The following PTPRT variants were observed in gnomAD, a reference collection of about 807,000 sequenced individuals.
The protein encoded by PTPRT is receptor-type tyrosine-protein phosphatase T.
In PTPRT, 56 loss-of-function variants were observed where a neutral mutation model predicts 176.8. That is an observed-to-expected ratio of 0.32 (90% confidence interval 0.26 to 0.40). The LOEUF (loss-of-function observed/expected upper bound fraction) is 0.40. Among genes scored for constraint, PTPRT ranks in the 10% least tolerant of loss-of-function variants. The pLI is 1.00. For synonymous variants in PTPRT, 783 were observed against 739.0 expected (o/e 1.06, Z -0.96); for missense variants, 1,540 against 1,908.2 (o/e 0.81, Z 3.60).
chr20:42,119,935 C>T lies in PTPRT; in HGVS notation c.2884G>A (p.Gly962Ser), dbSNP rs1166829821. 1.2e-6 allele frequency: 2 copies of T among 1,608,806 alleles called. No homozygotes were observed. The highest frequency in any genetic ancestry group is 1.1e-5 in the South Asian group (1 of 90,342). Reference sequence around the variant, plus strand: ...CACTAGGTGGAGGGAGGGCACTTACCTTGAGTCGCAATGTAGTGCCGAGGT... The same window carrying T: ...CACTAGGTGGAGGGAGGGCACTTACTTTGAGTCGCAATGTAGTGCCGAGGT... The part of the protein sequence containing the change: ...HRPRHYIATQ[G>S]PMQETVKDFW... Residue 962 changes from glycine to serine, a missense_variant and splice_region_variant, in exon 20 of 31, where the codon GGT (glycine) becomes AGT (serine). This residue lies in a region of PTPRT where 248 missense variants were observed against 356.7 expected (regional missense o/e 0.70). Coordinates refer to ENST00000373187, the MANE Select transcript of PTPRT (RefSeq NM_007050.6).
intron 5 of PTPRT, among the ~76,000 whole-genome samples, chr20:42,765,900 C>G (rs1323612925): frequency 6.6e-6 from 1 of 152,122 alleles, no homozygotes; most frequent in Admixed American, 6.6e-5. Flanking sequence ...TTCTTTCCAG[C>G]CTTTTGTCCT....
At chr20:42,190,030 A>G (rs138223873) in intron 16 of PTPRT, among the ~76,000 whole-genome samples, 2 of 152,190 alleles carry the variant, frequency 1.3e-5, no homozygotes, top group Middle Eastern at 3.2e-3. Context: ...CAGGAACTTA[A>G]TAAGTGTGTC....
chr20:42,724,275 G>A (rs1259382806), intron 6 of PTPRT, among the ~76,000 whole-genome samples: 1 of 152,186 alleles, frequency 6.6e-6, no homozygotes, highest in African/African-American at 2.4e-5. Context: ...CTGTGTGGTT[G>A]TTTCAATTAT....
chr20:42,516,521 A>G (rs969537491), intron 7 of PTPRT, among the ~76,000 whole-genome samples: 11 of 152,174 alleles, frequency 7.2e-5, no homozygotes, highest in African/African-American at 2.4e-4. Flanking sequence ...TTACATGACT[A>G]GACTATAACT....
intron 6 of PTPRT, among the ~76,000 whole-genome samples, chr20:42,709,908 C>A (rs1009790174): frequency 6.6e-6 from 1 of 152,120 alleles, no homozygotes; most frequent in African/African-American, 2.4e-5. Context: ...TCATGTTACA[C>A]CCTAGCAAAA....
intron 8 of PTPRT, among the ~76,000 whole-genome samples, chr20:42,456,469 T>C (rs2070927190): frequency 6.6e-6 from 1 of 152,092 alleles, no homozygotes; most frequent in South Asian, 2.1e-4. Flanking sequence ...TGTTTCATCT[T>C]TGAGTATGAT....
At chr20:43,083,349 T>TATATATAC (rs1568774162) in intron 1 of PTPRT, among the ~76,000 whole-genome samples, 10 of 117,378 alleles carry the variant, frequency 8.5e-5, no homozygotes, top group South Asian at 2.8e-4. Flanking sequence ...TATATATATA[T>TATATATAC]ATATATATAT....
At chr20:42,841,665 T>C (rs2078281476) in intron 2 of PTPRT, among the ~76,000 whole-genome samples, 1 of 149,516 alleles carries the variant, frequency 6.7e-6, no homozygotes, top group South Asian at 2.1e-4. Context: ...ACACATAATC[T>C]CTCTCTCCAT....
intron 6 of PTPRT, chr20:42,687,909 A>T (rs1280236834): frequency 6.6e-6 from 1 of 152,228 alleles, no homozygotes; most frequent in Non-Finnish European, 1.5e-5. Flanking sequence ...CTATTTCGGG[A>T]TTTACATACA....
chr20:42,313,328 T>G (rs1362726891), intron 12 of PTPRT, among the ~76,000 whole-genome samples: 1 of 152,134 alleles, frequency 6.6e-6, no homozygotes, highest in Non-Finnish European at 1.5e-5. Context: ...TCATTTACCT[T>G]CTTAATAAAC....
intron 7 of PTPRT, among the ~76,000 whole-genome samples, chr20:42,595,515 T>G (rs796829231): frequency 3.9e-5 from 6 of 151,946 alleles, no homozygotes; most frequent in African/African-American, 1.4e-4. Context: ...GGACCATGAG[T>G]GAAGTTTTGA....
chr20:42,847,496 G>A (rs2078394868), intron 2 of PTPRT, among the ~76,000 whole-genome samples: 1 of 152,170 alleles, frequency 6.6e-6, no homozygotes, highest in Non-Finnish European at 1.5e-5. Context: ...AGGGTCGCGT[G>A]AACACCACTA....
chr20:43,165,554 T>C (rs2146450203), intron 1 of PTPRT, among the ~76,000 whole-genome samples: 1 of 152,342 alleles, frequency 6.6e-6, no homozygotes, highest in Non-Finnish European at 1.5e-5. Flanking sequence ...CCCAGCCATG[T>C]GAGTCCATTA....
chr20:42,222,473 C>G lies in PTPRT; in HGVS notation c.2342+13756G>C, dbSNP rs536155653. The stretch of plus-strand genomic sequence containing the variant: ...TACACCCTCTCTCCTTCCTTCCTTT[C>G]ACTTGCCCCAAGGCAGGACTCTCAT... On this transcript the variant is annotated intron_variant, in intron 15 of 30. Transcript: ENST00000373187. 2.6e-5 allele frequency among the ~76,000 whole-genome samples: 4 copies of G among 152,322 alleles called. No homozygotes were observed. The East Asian group carries it at 5.8e-4, about 22-fold the overall frequency.
intron 7 of PTPRT, among the ~76,000 whole-genome samples, chr20:42,632,351 G>C (rs1019162564): frequency 6.6e-6 from 1 of 152,062 alleles, no homozygotes; most frequent in Non-Finnish European, 1.5e-5. Context: ...CGATTCTCCT[G>C]CCTCAGCCTC....
At chr20:42,035,886 C>T in the PTPRT span, among the ~76,000 whole-genome samples, 1 of 152,168 alleles carries the variant, frequency 6.6e-6, no homozygotes, top group Non-Finnish European at 1.5e-5. Context: ...CACTAGATTG[C>T]AATGGGGAGT....
intron 16 of PTPRT, among the ~76,000 whole-genome samples, chr20:42,186,765 G>A (rs1032240649): frequency 1.3e-5 from 2 of 152,060 alleles, no homozygotes; most frequent in African/African-American, 4.8e-5. Flanking sequence ...ATGGATATGA[G>A]GATTATTTAG....
chr20:42,480,027 G>T (rs910449008), intron 7 of PTPRT, among the ~76,000 whole-genome samples: 8 of 152,298 alleles, frequency 5.3e-5, no homozygotes, highest in Admixed American at 5.2e-4. Flanking sequence ...CAACACGGTT[G>T]CTACCCTCCC....
intron 6 of PTPRT, among the ~76,000 whole-genome samples, chr20:42,743,708 C>T (rs973437425): frequency 2.6e-5 from 4 of 152,206 alleles, no homozygotes; most frequent in African/African-American, 9.6e-5. Flanking sequence ...AAAATGAGCA[C>T]ATGTTGTGCA....
Sources: gnomAD v4.1 joint callset for allele counts (sites outside exome capture counted in the v4.1 genomes callset) on GRCh38, gnomAD v4.1.1 for gene constraint, gnomAD v4.1.1 regional missense constraint, MANE v1.5 for transcripts, NCBI Gene and HGNC (gene_info 2026-07-23, HGNC 2026-07-21) for gene names.